The following ZIM2 variants were observed in gnomAD, a reference collection of about 807,000 sequenced individuals.
ZIM2 encodes zinc finger protein 656.
In ZIM2, 14 loss-of-function variants were observed where a neutral mutation model predicts 38.6. The ratio of observed to expected loss-of-function variants is 0.36; its 90% CI spans 0.24 to 0.57. The LOEUF (loss-of-function observed/expected upper bound fraction) is 0.57. ZIM2 is among the 20% of genes least tolerant of loss of function. The pLI is 0.81. For missense variants in ZIM2, 680 were observed against 695.1 expected, an observed-to-expected ratio of 0.98 and a Z score of 0.24; for synonymous variants, 247 against 245.8, an observed-to-expected ratio of 1.00 and a Z score of -0.04.
intron 9 of ZIM2, chr19:56,817,530 A>T: frequency 6.2e-7 from 1 of 1,603,922 alleles, no homozygotes; most frequent in Non-Finnish European, 8.5e-7. Context: ...CATCTTCACA[A>T]ATCCCCCGCC....
intron 9 of ZIM2, chr19:56,813,621 G>A: frequency 1.9e-6 from 3 of 1,551,610 alleles, no homozygotes; most frequent in Non-Finnish European, 1.7e-6. Context: ...ATTCTCTGTG[G>A]TTTGGTAAGG....
intron 1 of ZIM2, among the ~76,000 whole-genome samples, chr19:56,840,338 G>A (rs985242162): frequency 1.6e-4 from 24 of 152,182 alleles, no homozygotes; most frequent in African/African-American, 5.1e-4. Context: ...GCAGCAGCCC[G>A]GGCTGCGCCC....
chr19:56,825,863 G>C (rs979691451), intron 3 of ZIM2, among the ~76,000 whole-genome samples: 7 of 152,150 alleles, frequency 4.6e-5, no homozygotes, highest in Admixed American at 4.6e-4. Context: ...ATTATTCAGA[G>C]TCTCTCATTA....
At chr19:56,831,677 C>CTA (rs2146535200) in intron 2 of ZIM2, among the ~76,000 whole-genome samples, 1 of 152,298 alleles carries the variant, frequency 6.6e-6, no homozygotes, top group African/African-American at 2.4e-5. Flanking sequence ...GTTACATAAC[C>CTA]ATTAAGTCGT....
chr19:56,828,935 T>A (rs1244362224), intron 2 of ZIM2, among the ~76,000 whole-genome samples: 1 of 152,158 alleles, frequency 6.6e-6, no homozygotes. Context: ...CATTTCTGGA[T>A]CCCATTTTGG....
At position 56,800,362 on chromosome 19, in the gene ZIM2, G is replaced by GA. The variant is rs1426458461; in HGVS notation, c.491-10412dup. Among the ~76,000 whole-genome samples the GA allele has an allele frequency of 5.3e-5, 8 of 151,818 alleles. No homozygotes were observed. The East Asian group carries it at 1.5e-3, about 29-fold the overall frequency. On this transcript the variant is annotated intron_variant, in intron 9 of 12. Coordinates refer to ENST00000629319, the MANE Select transcript of ZIM2 (RefSeq NM_001387356.1). ...TCCAATTAAAAATGGGTTATAATAT[G>GA]AAAAAAACATGTTTCTAAAAATTAC... is the stretch of plus-strand genomic sequence containing the variant.
chr19:56,799,516 G>A (rs1201895603), intron 9 of ZIM2: 1 of 152,048 alleles, frequency 6.6e-6, no homozygotes. Context: ...ATACCTAGGG[G>A]ATGGAATGAT....
intron 12 of ZIM2, 21 bp from the exon 13 acceptor site, chr19:56,775,550 G>A (rs772495910): frequency 6.4e-7 from 1 of 1,573,512 alleles, no homozygotes; most frequent in Admixed American, 1.9e-5. Context: ...AATGCCAGAA[G>A]TTACCTACCG....
chr19:56,821,611 G>GGCCTTTC (rs1335116046), intron 7 of ZIM2, 40 bp downstream of exon 7: 1 of 1,607,828 alleles, frequency 6.2e-7, no homozygotes, highest in South Asian at 1.1e-5. Flanking sequence ...GCCATGAAAT[G>GGCCTTTC]AAGATGGCCT....
intron 8 of ZIM2, among the ~76,000 whole-genome samples, chr19:56,818,396 G>T (rs1301931779): frequency 6.6e-6 from 1 of 152,078 alleles, no homozygotes; most frequent in Non-Finnish European, 1.5e-5. Context: ...CCTGTACAAT[G>T]TATCTTTACC....
At chr19:56,787,630 T>C (rs1179414469) in intron 10 of ZIM2, among the ~76,000 whole-genome samples, 2 of 152,064 alleles carry the variant, frequency 1.3e-5, no homozygotes, top group African/African-American at 2.4e-5. Flanking sequence ...TTCTATTGTT[T>C]GGAATAGTTT....
At chr19:56,807,710 G>A (rs897839094) in intron 9 of ZIM2, among the ~76,000 whole-genome samples, 5 of 152,014 alleles carry the variant, frequency 3.3e-5, no homozygotes, top group East Asian at 1.9e-4. Flanking sequence ...AGGATCACTC[G>A]AGCCCAGGAG....
In ZIM2 at chr19:56,814,315, G is replaced by C. The variant is rs1175004490; in HGVS notation, c.490+3431C>G. On this transcript the variant is annotated intron_variant, in intron 9 of 12. Coordinates refer to ENST00000629319, the MANE Select transcript of ZIM2 (RefSeq NM_001387356.1). This position sits in a 1 kb window ranked among gnomAD's most constrained non-coding sequence, Gnocchi z 5.8. ...AACTACTTGTGGAACATGGACATTG[G>C]CTTCAACTTCCTGGGCTGCTGCTGC... 1 of 1,613,962 alleles carries C rather than the reference G, an allele frequency of 6.2e-7. No individual in the cohort carries two copies. The highest frequency in any genetic ancestry group is 1.3e-5 in the African/African-American group (1 of 74,934).
intron 9 of ZIM2, among the ~76,000 whole-genome samples, chr19:56,806,808 C>T (rs1325605898): frequency 6.6e-6 from 1 of 152,164 alleles, no homozygotes; most frequent in East Asian, 1.9e-4. Flanking sequence ...TGCAAGGGAG[C>T]TACCTAGCCT....
At chr19:56,818,518 T>G (rs2060192024) in intron 8 of ZIM2, 82 bp downstream of exon 8, 1 of 1,469,130 alleles carries the variant, frequency 6.8e-7, no homozygotes, top group Non-Finnish European at 9.5e-7. Context: ...ATGTGGACTC[T>G]AACATCCAGC....
Position 56,835,999 on chromosome 19 carries a change from A to G in ZIM2, c.-227+19T>C. The G allele has an allele frequency of 2.0e-6, 1 of 509,806 alleles. No homozygotes were observed. Among genetic ancestry groups the G allele is most frequent in the Non-Finnish European group, 3.9e-6 (1 of 255,606 alleles). The allele number at this position is 509,806 out of a possible 1,614,324, so 31.6% of individuals were successfully genotyped here. ...CTCCAAAGATGAATGTGGCACTGTG[A>G]GGAGGAAATTCAACTCACCTGGACC... On this transcript the variant is annotated intron_variant, in intron 2 of 12. Coordinates refer to ENST00000629319, the MANE Select transcript of ZIM2 (RefSeq NM_001387356.1).
chr19:56,829,511 T>TCTGTTGTGTTA (rs1186414105), intron 2 of ZIM2, among the ~76,000 whole-genome samples: 2 of 152,292 alleles, frequency 1.3e-5, no homozygotes, highest in African/African-American at 2.4e-5. Context: ...GGAAACGTGT[T>TCTGTTGTGTTA]CTGTTGTGTT....
At chr19:56,805,310 T>G (rs2047704855) in intron 9 of ZIM2, among the ~76,000 whole-genome samples, 1 of 152,148 alleles carries the variant, frequency 6.6e-6, no homozygotes, top group Admixed American at 6.5e-5. Context: ...ACAATTTCAT[T>G]GTTTAACTTT....
At chr19:56,816,478 A>G (rs1385171912) in intron 9 of ZIM2, 1 of 1,613,544 alleles carries the variant, frequency 6.2e-7, no homozygotes, top group Non-Finnish European at 8.5e-7. Context: ...CTTGTTTTCA[A>G]ATGGGTTCCC....
Sources: gnomAD v4.1 joint callset for allele counts (sites outside exome capture counted in the v4.1 genomes callset) on GRCh38, gnomAD v4.1.1 for gene constraint, Gnocchi (gnomAD v3.1) non-coding constraint, MANE v1.5 for transcripts, NCBI Gene and HGNC (gene_info 2026-07-23, HGNC 2026-07-21) for gene names.